The following SOX5 variants were observed in gnomAD, a reference collection of about 807,000 sequenced individuals.
SOX5 encodes transcription factor SOX-5.
Under a neutral mutation model 92.0 loss-of-function variants are expected in SOX5, and 9 were observed. The ratio of observed to expected loss-of-function variants is 0.10; its 90% CI spans 0.06 to 0.17. The LOEUF (loss-of-function observed/expected upper bound fraction) is 0.17. SOX5 is among the 10% of genes least tolerant of loss of function. SOX5 has a pLI of 1.00. For missense variants in SOX5, 642 were observed against 944.5 expected, an observed-to-expected ratio of 0.68 and a Z score of 4.20; for synonymous variants, 344 against 336.3, an observed-to-expected ratio of 1.02 and a Z score of -0.25.
intron 3 of SOX5, among the ~76,000 whole-genome samples, chr12:23,823,836 C>A (rs2096175480): frequency 6.6e-6 from 1 of 152,126 alleles, no homozygotes; most frequent in African/African-American, 2.4e-5. Context: ...TTTCTCTAAT[C>A]TTGTCTTCAT....
intron 2 of SOX5, among the ~76,000 whole-genome samples, chr12:24,289,668 G>T (rs1342891634): frequency 1.6e-5 from 2 of 122,448 alleles, no homozygotes; most frequent in African/African-American, 9.1e-5. Context: ...TTTTAGCCGG[G>T]ATGGTCTCGA....
intron 4 of SOX5, among the ~76,000 whole-genome samples, chr12:24,165,392 A>C (rs1022875586): frequency 6.6e-6 from 1 of 152,154 alleles, no homozygotes; most frequent in Non-Finnish European, 1.5e-5. Flanking sequence ...TAAACCATAA[A>C]AATTCCTATT....
chr12:23,573,732 T>A (rs1948718477), intron 10 of SOX5, among the ~76,000 whole-genome samples: 1 of 152,196 alleles, frequency 6.6e-6, no homozygotes, highest in Non-Finnish European at 1.5e-5. Context: ...TGCCTCTGGA[T>A]GAACTTGGAG....
At chr12:24,185,452 A>C (rs777022471) in intron 4 of SOX5, among the ~76,000 whole-genome samples, 2 of 152,026 alleles carry the variant, frequency 1.3e-5, no homozygotes, top group Non-Finnish European at 2.9e-5. Context: ...ACCACATTCT[A>C]ATTTTATGTT....
intron 4 of SOX5, among the ~76,000 whole-genome samples, chr12:23,961,346 CA>C: frequency 6.6e-6 from 1 of 152,238 alleles, no homozygotes; most frequent in East Asian, 1.9e-4. Flanking sequence ...CTGCTTAAAA[CA>C]TATCATATAT....
chr12:23,674,489 C>A (rs2085339944), intron 6 of SOX5, among the ~76,000 whole-genome samples: 1 of 151,648 alleles, frequency 6.6e-6, no homozygotes. Context: ...AGGCACACAC[C>A]ACCGCTTCCG....
intron 6 of SOX5, among the ~76,000 whole-genome samples, chr12:23,722,504 T>C (rs1251150465): frequency 6.6e-6 from 1 of 152,224 alleles, no homozygotes; most frequent in East Asian, 1.9e-4. Context: ...TATAGTTACA[T>C]ATTTTTTAAT....
intron 4 of SOX5, among the ~76,000 whole-genome samples, chr12:24,047,860 C>T (rs1352715418): frequency 6.6e-6 from 1 of 152,160 alleles, no homozygotes; most frequent in African/African-American, 2.4e-5. Context: ...CTAAAAGTCA[C>T]AGCAAACAGT....
intron 2 of SOX5, among the ~76,000 whole-genome samples, chr12:24,362,181 T>A (rs1397950633): frequency 6.6e-6 from 1 of 152,200 alleles, no homozygotes. Context: ...TTCTTTCCCA[T>A]GCATGCACCA....
At chr12:23,898,548 A>T (rs962003067) in intron 1 of SOX5, among the ~76,000 whole-genome samples, 1 of 152,210 alleles carries the variant, frequency 6.6e-6, no homozygotes, top group Non-Finnish European at 1.5e-5. Flanking sequence ...TGAAAACTGA[A>T]AGTCCAAAAG....
intron 1 of SOX5, among the ~76,000 whole-genome samples, chr12:24,396,860 G>A (rs976830718): frequency 6.6e-6 from 1 of 152,236 alleles, no homozygotes; most frequent in Non-Finnish European, 1.5e-5. Flanking sequence ...GCCAGAGGGA[G>A]ATGTTTGGCT....
At chr12:23,919,858 T>A (rs1248941161) in intron 1 of SOX5, among the ~76,000 whole-genome samples, 5 of 152,208 alleles carry the variant, frequency 3.3e-5, no homozygotes, top group African/African-American at 1.2e-4. Flanking sequence ...AAATGGCATA[T>A]CTTCTGGCAA....
At chr12:23,766,412 A>G (rs1171988158) in intron 3 of SOX5, among the ~76,000 whole-genome samples, 1 of 152,190 alleles carries the variant, frequency 6.6e-6, no homozygotes, top group Non-Finnish European at 1.5e-5. Flanking sequence ...CTAAAGGTCA[A>G]AATCATAGGA....
intron 1 of SOX5, among the ~76,000 whole-genome samples, chr12:24,527,243 A>G (rs777457313): frequency 2.4e-4 from 36 of 152,176 alleles, no homozygotes; most frequent in Non-Finnish European, 4.3e-4. Flanking sequence ...TGAGCTAGCT[A>G]CTGGGAGAGT....
chr12:23,783,734 A>G (rs1010706738), intron 3 of SOX5, among the ~76,000 whole-genome samples: 12 of 152,176 alleles, frequency 7.9e-5, no homozygotes, highest in African/African-American at 2.9e-4. Flanking sequence ...CTTTACCCAA[A>G]TTTTAGGAAA....
At chr12:23,950,977 G>A (rs1945530682), upstream of SOX5, 1 of 619,106 alleles carries the variant, frequency 1.6e-6, no homozygotes, top group East Asian at 2.9e-5. Context: ...ACACACGCAT[G>A]CACACACACA....
At chr12:24,348,421 T>A (rs1032796392) in intron 2 of SOX5, among the ~76,000 whole-genome samples, 1 of 150,170 alleles carries the variant, frequency 6.7e-6, no homozygotes, top group South Asian at 2.1e-4. Context: ...CTCACTCTGT[T>A]GCCCAGGCTG....
At chr12:23,608,563 A>G (rs2137655768) in intron 8 of SOX5, among the ~76,000 whole-genome samples, 1 of 152,322 alleles carries the variant, frequency 6.6e-6, no homozygotes, top group South Asian at 2.1e-4. Flanking sequence ...GCTCCTTGAA[A>G]GATCATGCTT....
chr12:23,905,811 A>T (rs2097287480), intron 1 of SOX5, among the ~76,000 whole-genome samples: 1 of 152,194 alleles, frequency 6.6e-6, no homozygotes, highest in African/African-American at 2.4e-5. Flanking sequence ...TACTTTTCTC[A>T]TGATTTACAA....
Sources: allele counts gnomAD v4.1 joint callset (sites outside exome capture counted in the v4.1 genomes callset), GRCh38; gene constraint gnomAD v4.1.1; transcripts MANE v1.5; gene names NCBI Gene and HGNC (gene_info 2026-07-23, HGNC 2026-07-21).